The following C5orf24 variants were observed in gnomAD, a reference collection of about 807,000 sequenced individuals.
C5orf24 encodes the protein chromosome 5 open reading frame 24.
A neutral mutation model predicts 9.8 loss-of-function variants in C5orf24; 4 were observed. The observed-to-expected ratio is 0.41, with a 90% CI of 0.20 to 0.93. C5orf24 has a LOEUF of 0.93. Among genes scored for constraint, C5orf24 ranks in the 40% least tolerant of loss-of-function variants. The pLI is 0.33. For synonymous variants in C5orf24, 73 were observed against 81.3 expected, an observed-to-expected ratio of 0.90 and a Z score of 0.55; for missense variants, 170 against 236.9, an observed-to-expected ratio of 0.72 and a Z score of 1.85.
At chr5:134,844,196 C>CA (rs1207440954), upstream of C5orf24, among the ~76,000 whole-genome samples, 7 of 151,964 alleles carry the variant, frequency 4.6e-5, no homozygotes, top group East Asian at 7.7e-4. Flanking sequence ...ACCTCAAGAG[C>CA]AAAAAAACCT....
At chr5:134,835,539 T>G in the C5orf24 span, among the ~76,000 whole-genome samples, 1 of 151,606 alleles carries the variant, frequency 6.6e-6, no homozygotes, top group African/African-American at 2.4e-5. Context: ...CCCAGCTACT[T>G]GGGAGGCTGA....
chr5:134,838,968 G>A, the C5orf24 span, among the ~76,000 whole-genome samples: 2 of 151,782 alleles, frequency 1.3e-5, no homozygotes, highest in Admixed American at 6.6e-5. Context: ...CAGCACTTTG[G>A]GAGGCTAAGG....
In C5orf24 at chr5:134,856,154, C is replaced by G. The variant is rs781782377; in HGVS notation, c.*687C>G. 133 of 997,426 alleles carry G rather than the reference C, an allele frequency of 1.3e-4. No individual in the cohort carries two copies. The highest frequency in any genetic ancestry group is 1.5e-4 in the Non-Finnish European group (126 of 827,670). The allele number at this position is 997,426 out of a possible 1,614,324, so 61.8% of individuals were successfully genotyped here. Reference sequence around the variant, plus strand: ...TTTTAATTGCCTAAGAGCATATATACCAAACACTACAAACAATTCATATTT... The same window carrying G: ...TTTTAATTGCCTAAGAGCATATATAGCAAACACTACAAACAATTCATATTT... On this transcript the variant is annotated 3_prime_UTR_variant, in exon 2 of 2. Coordinates refer to ENST00000394976, the MANE Select transcript of C5orf24 (RefSeq NM_001135586.1).
rs758053651 is a variant in C5orf24 at position 134,858,070 on chromosome 5, C to T, written c.*2603C>T. ...CATGTTTATGAAATGGTGAGATCAA[C>T]TAAAGGAGGCATGTTCATAACAGTG... is the stretch of plus-strand genomic sequence containing the variant. On this transcript the variant is annotated 3_prime_UTR_variant, in exon 2 of 2. Coordinates refer to ENST00000394976, the MANE Select transcript of C5orf24 (RefSeq NM_001135586.1). 11 of 166,850 alleles carry T rather than the reference C, an allele frequency of 6.6e-5. No individual in the cohort carries two copies. The highest frequency in any genetic ancestry group is 1.3e-4 in the Non-Finnish European group (9 of 68,100). The allele number at this position is 166,850 out of a possible 1,614,324, so 10.3% of individuals were successfully genotyped here. A position where few individuals can be genotyped will look rare whatever the true frequency, so the allele number is the denominator to read the frequency against.
At chr5:134,841,573 T>C (rs1034620841), upstream of C5orf24, among the ~76,000 whole-genome samples, 1 of 152,032 alleles carries the variant, frequency 6.6e-6, no homozygotes. Flanking sequence ...GGTGACAGAA[T>C]GAGACTGTCT....
intron 1 of C5orf24, among the ~76,000 whole-genome samples, chr5:134,850,422 C>T (rs1756124214): frequency 6.6e-6 from 1 of 151,464 alleles, no homozygotes; most frequent in South Asian, 2.1e-4. Flanking sequence ...GCTGGGATTA[C>T]AGGCGTGAAC....
At chr5:134,837,308 T>C in the C5orf24 span, among the ~76,000 whole-genome samples, 1 of 152,204 alleles carries the variant, frequency 6.6e-6, no homozygotes, top group African/African-American at 2.4e-5. Context: ...AATTCAGATA[T>C]AATATGTACA....
chr5:134,850,408 A>C (rs575922749), intron 1 of C5orf24, among the ~76,000 whole-genome samples: 1 of 151,904 alleles, frequency 6.6e-6, no homozygotes, highest in East Asian at 1.9e-4. Context: ...TGGCCTCCCA[A>C]AGTGCTGGGA....
At chr5:134,853,082 G>A (rs979602791) in intron 1 of C5orf24, among the ~76,000 whole-genome samples, 6 of 150,834 alleles carry the variant, frequency 4.0e-5, no homozygotes, top group African/African-American at 1.2e-4. Flanking sequence ...GGAGAATGGC[G>A]TGAACCCGGG....
chr5:134,846,399 C>A (rs1246779340), intron 1 of C5orf24, 187 bp downstream of exon 1: 1 of 152,216 alleles, frequency 6.6e-6, no homozygotes, highest in Non-Finnish European at 1.5e-5. Context: ...GGGGACATTC[C>A]TCCTGCGGCG....
rs1756364700 is a variant in C5orf24 at position 134,858,307 on chromosome 5, TCTAA to T, written c.*2841_*2844del. 2 of 167,064 alleles carry T rather than the reference TCTAA, an allele frequency of 1.2e-5. No homozygotes were observed. Among genetic ancestry groups the T allele is most frequent in the Non-Finnish European group, 2.9e-5 (2 of 68,114 alleles). The allele number at this position is 167,064 out of a possible 1,614,324, so 10.3% of individuals were successfully genotyped here. ...CGGTGCCATGCTGAAGAGAAAGACA[TCTAA>T]GTGATAACATGAATGAAGTCTTAAA... is the stretch of plus-strand genomic sequence containing the variant. On this transcript the variant is annotated 3_prime_UTR_variant, in exon 2 of 2. Transcript: ENST00000394976.
At chr5:134,853,403 T>G (rs1311539183) in intron 1 of C5orf24, among the ~76,000 whole-genome samples, 2 of 149,352 alleles carry the variant, frequency 1.3e-5, no homozygotes. Context: ...TCTGTCTAAA[T>G]GATATGGCTA....
chr5:134,849,185 C>G (rs992140745), intron 1 of C5orf24, among the ~76,000 whole-genome samples: 5 of 151,510 alleles, frequency 3.3e-5, no homozygotes, highest in Admixed American at 1.3e-4. Context: ...AACCGGGGTT[C>G]CAGAGGTTGC....
Position 134,856,572 on chromosome 5 carries a change from C to T in C5orf24, c.*1105C>T, listed in dbSNP as rs931254987. On this transcript the variant is annotated 3_prime_UTR_variant, in exon 2 of 2. Transcript: ENST00000394976. Reference sequence around the variant, plus strand: ...AGGAGAATTGCTTAAATCCAGGAGGCGGAGGTTGCAGTGAGCCAAGATTGT... The same window carrying T: ...AGGAGAATTGCTTAAATCCAGGAGGTGGAGGTTGCAGTGAGCCAAGATTGT... 7.1e-5 allele frequency: 27 copies of T among 380,826 alleles called. No homozygotes were observed. Among genetic ancestry groups the T allele is most frequent in the Non-Finnish European group, 9.8e-5 (26 of 265,388 alleles). 23.6% of individuals were successfully genotyped at this position (380,826 alleles called of 1,614,324 possible).
chr5:134,859,585 A>T lies in C5orf24; in HGVS notation c.*4118A>T, dbSNP rs1433075370. 1 of 167,102 alleles carries T rather than the reference A, an allele frequency of 6.0e-6. No individual in the cohort carries two copies. The highest frequency in any genetic ancestry group is 2.1e-4 in the South Asian group (1 of 4,830). 10.4% of individuals were successfully genotyped at this position (167,102 alleles called of 1,614,324 possible). On this transcript the variant is annotated 3_prime_UTR_variant, in exon 2 of 2. Coordinates refer to ENST00000394976, the MANE Select transcript of C5orf24 (RefSeq NM_001135586.1). ...AAGCACGCTGTCCTCTGCTGTAAAA[A>T]GTCTGAATAGATACTGTGTATGTTT...
At chr5:134,847,744 A>G (rs1561885181) in intron 1 of C5orf24, among the ~76,000 whole-genome samples, 2 of 141,826 alleles carry the variant, frequency 1.4e-5, no homozygotes, top group African/African-American at 5.3e-5. Flanking sequence ...TCTGTTTCCT[A>G]GGCTGGAGTA....
chr5:134,855,089 C>T lies in C5orf24; in HGVS notation c.189C>T (p.His63=). ...CQRQDPLNET[H]LQTTSGRSIE... Reference sequence around the variant, plus strand: ...GGCAAGACCCATTAAATGAAACACACTTGCAGACTACAAGTGGCAGAAGCA... The same window carrying T: ...GGCAAGACCCATTAAATGAAACACATTTGCAGACTACAAGTGGCAGAAGCA... The change falls in exon 2 of 2, where the codon CAC becomes CAT. Residue 63 remains histidine (H), a synonymous_variant. Coordinates refer to ENST00000394976, the MANE Select transcript of C5orf24 (RefSeq NM_001135586.1). The T allele has an allele frequency of 6.2e-7, 1 of 1,614,128 alleles. No individual in the cohort carries two copies. Among genetic ancestry groups the T allele is most frequent in the Non-Finnish European group, 8.5e-7 (1 of 1,180,022 alleles).
At chr5:134,843,549 T>G (rs1755930942), upstream of C5orf24, among the ~76,000 whole-genome samples, 1 of 152,134 alleles carries the variant, frequency 6.6e-6, no homozygotes, top group Non-Finnish European at 1.5e-5. Flanking sequence ...CGCCTCAGCC[T>G]ACCAAGTAGC....
chr5:134,858,984 T>C lies in C5orf24; in HGVS notation c.*3517T>C. The C allele has an allele frequency of 6.0e-6, 1 of 167,082 alleles. No homozygotes were observed. 10.3% of individuals were successfully genotyped at this position (167,082 alleles called of 1,614,324 possible). A position where few individuals can be genotyped will look rare whatever the true frequency, so the allele number is the denominator to read the frequency against. On this transcript the variant is annotated 3_prime_UTR_variant, in exon 2 of 2. Coordinates refer to ENST00000394976, the MANE Select transcript of C5orf24 (RefSeq NM_001135586.1). ...GTGTGAATTTACATGTCTATTTTCA[T>C]GAACTAAGAATAGAGTTTCTTTGAG...
Sources: gnomAD v4.1 joint callset for allele counts (sites outside exome capture counted in the v4.1 genomes callset) on GRCh38, gnomAD v4.1.1 for gene constraint, MANE v1.5 for transcripts, NCBI Gene and HGNC (gene_info 2026-07-23, HGNC 2026-07-21) for gene names.